SDK1: variants seen among roughly 807,000 people sequenced by gnomAD.
SDK1 encodes sidekick cell adhesion molecule 1.
Under a neutral mutation model 245.5 loss-of-function variants are expected in SDK1, and 157 were observed. That is an observed-to-expected ratio of 0.64 (90% CI 0.56 to 0.73). SDK1 has a LOEUF of 0.73. Among genes scored for constraint, SDK1 ranks in the 30% least tolerant of loss-of-function variants. The probability of loss-of-function intolerance (pLI) is 0.00; values close to 1 mark genes in which losing one functional copy is unlikely to be tolerated. For synonymous variants in SDK1, 1,647 were observed against 1,278.5 expected (o/e 1.29, Z -6.15); for missense variants, 3,583 against 3,002.3 (o/e 1.19, Z -4.52).
chr7:3,511,924 C>T (rs1046731408), intron 1 of SDK1, among the ~76,000 whole-genome samples: 7 of 149,594 alleles, frequency 4.7e-5, no homozygotes, highest in South Asian at 2.2e-4. Flanking sequence ...CATCCCCCAC[C>T]GGAGTGGTAT....
intron 2 of SDK1, among the ~76,000 whole-genome samples, chr7:3,637,107 G>GTA (rs1782483442): frequency 6.6e-6 from 1 of 151,826 alleles, no homozygotes; most frequent in African/African-American, 2.4e-5. Context: ...GTGTGTGTGT[G>GTA]TGTGTTTTGA....
At chr7:4,004,600 A>C (rs1433313304) in intron 14 of SDK1, among the ~76,000 whole-genome samples, 1 of 152,206 alleles carries the variant, frequency 6.6e-6, no homozygotes, top group East Asian at 1.9e-4. Flanking sequence ...TACTAAATAC[A>C]CACAAAAATA....
At chr7:3,624,273 T>A (rs1782042045) in intron 2 of SDK1, among the ~76,000 whole-genome samples, 2 of 152,306 alleles carry the variant, frequency 1.3e-5, no homozygotes, top group South Asian at 4.1e-4. Flanking sequence ...GATCATGGCT[T>A]ACTTCAGATT....
intron 16 of SDK1, 105 bp from the exon 17 acceptor site, chr7:4,017,066 A>G: frequency 8.9e-7 from 1 of 1,124,578 alleles, no homozygotes; most frequent in Non-Finnish European, 1.2e-6. Flanking sequence ...TCTGCTCTTG[A>G]TTATTTACTT....
In SDK1 at chr7:3,354,019, C is replaced by G. The variant is rs375180664; in HGVS notation, c.298+52135C>G. Among the ~76,000 whole-genome samples, 435 of 149,088 alleles carry G rather than the reference C, an allele frequency of 2.9e-3. 7 individuals carry two copies. The highest frequency in any genetic ancestry group is 0.01 in the African/African-American group (411 of 40,526). ...TCTTTTTTTTTTTTTTTGGGACAGA[C>G]TCTCGCTCTGTTGCCCAGGCTGGAG... On this transcript the variant is annotated intron_variant, in intron 1 of 44. Coordinates refer to ENST00000404826, the MANE Select transcript of SDK1 (RefSeq NM_152744.4).
At chr7:3,788,223 C>G (rs1009105667) in intron 4 of SDK1, among the ~76,000 whole-genome samples, 6 of 152,210 alleles carry the variant, frequency 3.9e-5, no homozygotes, top group Non-Finnish European at 8.8e-5. Flanking sequence ...TCATGGGTGG[C>G]TACTGCTGCC....
chr7:4,029,712 C>G (rs760183345), intron 17 of SDK1, among the ~76,000 whole-genome samples: 1 of 152,196 alleles, frequency 6.6e-6, no homozygotes, highest in East Asian at 1.9e-4. Flanking sequence ...TCAACAAACT[C>G]TAGCATGCTG....
intron 5 of SDK1, among the ~76,000 whole-genome samples, chr7:3,823,730 T>C (rs1213677357): frequency 6.6e-6 from 1 of 152,196 alleles, no homozygotes; most frequent in Non-Finnish European, 1.5e-5. Context: ...AAAAGTGAGA[T>C]ACAAGGCAGT....
chr7:4,008,733 A>G (rs1037257850), intron 14 of SDK1, among the ~76,000 whole-genome samples: 10 of 152,244 alleles, frequency 6.6e-5, no homozygotes, highest in African/African-American at 2.2e-4. Flanking sequence ...GGGAAAGGGC[A>G]GCAGGGGGAA....
intron 44 of SDK1, among the ~76,000 whole-genome samples, chr7:4,261,165 C>G (rs941438476): frequency 1.3e-5 from 2 of 152,172 alleles, no homozygotes; most frequent in African/African-American, 2.4e-5. Context: ...GCTGACCACT[C>G]TCACAGGGCT....
chr7:3,642,197 G>A (rs777686138), intron 4 of SDK1, 92 bp downstream of exon 4: 72 of 1,291,350 alleles, frequency 5.6e-5, no homozygotes, highest in Middle Eastern at 1.9e-4. Flanking sequence ...TAAGGTTACC[G>A]ATGATTTAAA....
At chr7:3,920,411 A>G (rs1332186648) in intron 5 of SDK1, among the ~76,000 whole-genome samples, 5 of 152,114 alleles carry the variant, frequency 3.3e-5, no homozygotes, top group African/African-American at 4.8e-5. Flanking sequence ...GTCAAGGTCA[A>G]GGTCAGCGGG....
At chr7:3,465,576 T>C (rs1179672997) in intron 1 of SDK1, among the ~76,000 whole-genome samples, 1 of 152,226 alleles carries the variant, frequency 6.6e-6, no homozygotes, top group East Asian at 1.9e-4. Flanking sequence ...TCATATACTG[T>C]TGGGTGATGG....
At chr7:3,900,463 C>G (rs1420659261) in intron 5 of SDK1, among the ~76,000 whole-genome samples, 2 of 152,190 alleles carry the variant, frequency 1.3e-5, no homozygotes, top group Admixed American at 6.5e-5. Flanking sequence ...CTGATTTAGC[C>G]TTTCCAGTGT....
At chr7:3,745,212 G>C (rs1779584193) in intron 4 of SDK1, among the ~76,000 whole-genome samples, 1 of 152,168 alleles carries the variant, frequency 6.6e-6, no homozygotes, top group South Asian at 2.1e-4. Context: ...TCTAGGTTTT[G>C]TGGGAATATT....
Position 3,962,816 on chromosome 7 carries a change from G to A in SDK1, c.1394G>A (p.Gly465Glu), listed in dbSNP as rs1282983487. The change falls in exon 9 of 45, where the codon GGG becomes GAG. Residue 465 changes from glycine (G) to glutamate (E), a missense_variant. By Grantham distance (98) the Gly-to-Glu change is moderately conservative (BLOSUM62 -2). Coordinates refer to ENST00000404826, the MANE Select transcript of SDK1 (RefSeq NM_152744.4). Reference sequence around the variant, plus strand: ...CAGTGCTTCGCCAGCAATGAAGGAGGGGAGATCCAGACCCACACCTACCTG... The same window carrying A: ...CAGTGCTTCGCCAGCAATGAAGGAGAGGAGATCCAGACCCACACCTACCTG... ...IFQCFASNEGGEIQTHTYLDV... is the reference protein window; with the variant it reads ...IFQCFASNEGEEIQTHTYLDV... The A allele has an allele frequency of 6.2e-6, 10 of 1,613,238 alleles. No homozygotes were observed. Among genetic ancestry groups the A allele is most frequent in the Middle Eastern group, 1.6e-4 (1 of 6,078 alleles).
intron 35 of SDK1, among the ~76,000 whole-genome samples, chr7:4,183,413 A>T (rs1195091186): frequency 2.0e-5 from 3 of 152,038 alleles, no homozygotes; most frequent in African/African-American, 7.2e-5. Context: ...AGGTGGGTGG[A>T]TCGCGAAGTC....
At chr7:3,601,780 A>G (rs1781260945) in intron 1 of SDK1, among the ~76,000 whole-genome samples, 1 of 149,818 alleles carries the variant, frequency 6.7e-6, no homozygotes, top group Non-Finnish European at 1.5e-5. Context: ...GCACCCATTA[A>G]CTCGTCATTT....
At chr7:4,231,394 T>C (rs1463299256) in intron 40 of SDK1, among the ~76,000 whole-genome samples, 2 of 148,026 alleles carry the variant, frequency 1.4e-5, no homozygotes. Flanking sequence ...GGAGACCCTG[T>C]CACTACAAAA....
Sources: allele counts gnomAD v4.1 joint callset (sites outside exome capture counted in the v4.1 genomes callset), GRCh38; gene constraint gnomAD v4.1.1; transcripts MANE v1.5; gene names NCBI Gene and HGNC (gene_info 2026-07-23, HGNC 2026-07-21).